Variants in LDLRAD4 observed in about 807,000 individuals in gnomAD.
LDLRAD4 encodes low-density lipoprotein receptor class A domain-containing protein 4.
A neutral mutation model predicts 17.0 loss-of-function variants in LDLRAD4; 5 were observed. The ratio of observed to expected loss-of-function variants is 0.29; its 90% CI spans 0.15 to 0.62. The LOEUF (loss-of-function observed/expected upper bound fraction) is 0.62, where lower values mean the gene tolerates loss of function less well. Among genes scored for constraint, LDLRAD4 ranks in the 20% least tolerant of loss-of-function variants. LDLRAD4 has a pLI of 0.84. For synonymous variants in LDLRAD4, 168 were observed against 171.8 expected, an observed-to-expected ratio of 0.98 and a Z score of 0.17; for missense variants, 340 against 424.7, an observed-to-expected ratio of 0.80 and a Z score of 1.75.
chr18:13,429,723 C>A (rs1442577086), intron 2 of LDLRAD4, among the ~76,000 whole-genome samples: 1 of 133,226 alleles, frequency 7.5e-6, no homozygotes. Context: ...GTTCAGTGAA[C>A]CCTCCAAGGG....
intron 1 of LDLRAD4, among the ~76,000 whole-genome samples, chr18:13,238,629 G>A (rs73951904): frequency 0.034 from 5,199 of 152,322 alleles, 284 homozygotes; most frequent in African/African-American, 0.12. Flanking sequence ...GTGGACTGCA[G>A]AGTCCTGCCA....
chr18:13,359,486 G>A (rs921505916), intron 1 of LDLRAD4, among the ~76,000 whole-genome samples: 1 of 151,884 alleles, frequency 6.6e-6, no homozygotes, highest in African/African-American at 2.4e-5. Context: ...ATGTACTTCC[G>A]TGCCTTTACC....
intron 3 of LDLRAD4, among the ~76,000 whole-genome samples, chr18:13,439,651 C>T (rs1033419351): frequency 2.0e-5 from 3 of 152,232 alleles, no homozygotes; most frequent in Admixed American, 6.5e-5. Context: ...CCTGCTCCCC[C>T]AAGGCCCAGG....
At chr18:13,596,922 T>G (rs1057139763) in intron 3 of LDLRAD4, among the ~76,000 whole-genome samples, 3 of 152,228 alleles carry the variant, frequency 2.0e-5, no homozygotes, top group African/African-American at 7.2e-5. Context: ...ATATTTGTTT[T>G]AAACAATTGC....
chr18:13,470,233 G>A (rs2092730673), intron 3 of LDLRAD4, among the ~76,000 whole-genome samples: 1 of 152,120 alleles, frequency 6.6e-6, no homozygotes, highest in African/African-American at 2.4e-5. Flanking sequence ...TGTTTGTAGA[G>A]TCTCTTGACT....
chr18:13,463,195 C>T (rs993475341), intron 3 of LDLRAD4, among the ~76,000 whole-genome samples: 6 of 152,188 alleles, frequency 3.9e-5, no homozygotes, highest in Admixed American at 3.9e-4. Context: ...CATGTCCCCC[C>T]TGGACTCCTA....
chr18:13,394,786 T>A (rs2086528795), intron 2 of LDLRAD4, among the ~76,000 whole-genome samples: 1 of 152,230 alleles, frequency 6.6e-6, no homozygotes, highest in African/African-American at 2.4e-5. Context: ...GCATGTCTCA[T>A]TAGGTTCTTT....
At chr18:13,293,875 A>G (rs1205710198) in intron 1 of LDLRAD4, among the ~76,000 whole-genome samples, 1 of 152,170 alleles carries the variant, frequency 6.6e-6, no homozygotes, top group East Asian at 1.9e-4. Flanking sequence ...GGTTCCAGAA[A>G]ACGCTTTGTT....
exon 6 of LDLRAD4, chr18:13,649,890 A>C (rs1197595450): frequency 5.0e-6 from 2 of 396,556 alleles, no homozygotes; most frequent in African/African-American, 4.1e-5. Flanking sequence ...ACACTGACCA[A>C]GAATGCCGCG....
intron 1 of LDLRAD4, among the ~76,000 whole-genome samples, chr18:13,317,270 T>C (rs1053571690): frequency 6.6e-6 from 1 of 152,242 alleles, no homozygotes; most frequent in African/African-American, 2.4e-5. Context: ...CCCCTACACG[T>C]ATCCTAAGCT....
chr18:13,579,870 T>C (rs552414612), intron 3 of LDLRAD4, among the ~76,000 whole-genome samples: 1 of 152,280 alleles, frequency 6.6e-6, no homozygotes, highest in Non-Finnish European at 1.5e-5. Context: ...TGTCATGCGT[T>C]GTCTGGGGGC....
At chr18:13,279,170 G>A (rs1215784726) in intron 1 of LDLRAD4, among the ~76,000 whole-genome samples, 1 of 152,210 alleles carries the variant, frequency 6.6e-6, no homozygotes, top group Non-Finnish European at 1.5e-5. Context: ...AAGCTGGGGT[G>A]GAAAGAGCTC....
intron 1 of LDLRAD4, among the ~76,000 whole-genome samples, chr18:13,359,547 T>G (rs1331482725): frequency 6.6e-6 from 1 of 152,214 alleles, no homozygotes; most frequent in East Asian, 1.9e-4. Context: ...ACCTGCTAAC[T>G]CCAATACTCT....
intron 3 of LDLRAD4, chr18:13,501,390 A>C (rs746065438): frequency 4.6e-5 from 7 of 152,240 alleles, no homozygotes; most frequent in Non-Finnish European, 1.0e-4. Flanking sequence ...CTGGGCAGAC[A>C]GCCGATTGCC....
At chr18:13,223,756 A>G (rs749363541) in intron 1 of LDLRAD4, among the ~76,000 whole-genome samples, 15 of 152,178 alleles carry the variant, frequency 9.9e-5, no homozygotes, top group Non-Finnish European at 2.1e-4. Flanking sequence ...GAGGGCTGCC[A>G]TACACTGATT....
chr18:13,606,765 T>C (rs2095228464), intron 3 of LDLRAD4, among the ~76,000 whole-genome samples: 1 of 152,214 alleles, frequency 6.6e-6, no homozygotes, highest in African/African-American at 2.4e-5. Flanking sequence ...AAAGGCCAAA[T>C]TCCAGGGATT....
chr18:13,397,617 T>C (rs942995939), intron 2 of LDLRAD4, among the ~76,000 whole-genome samples: 2 of 152,166 alleles, frequency 1.3e-5, no homozygotes, highest in Non-Finnish European at 2.9e-5. Flanking sequence ...TGTTTCTGAA[T>C]CCTACCACCT....
intron 3 of LDLRAD4, among the ~76,000 whole-genome samples, chr18:13,599,734 G>A (rs568107771): frequency 8.6e-5 from 13 of 152,008 alleles, no homozygotes; most frequent in African/African-American, 2.4e-4. Flanking sequence ...CTCGTGATCC[G>A]CCTGTCTTGG....
chr18:13,289,973 A>G (rs1212345864), intron 1 of LDLRAD4, among the ~76,000 whole-genome samples: 1 of 152,218 alleles, frequency 6.6e-6, no homozygotes, highest in African/African-American at 2.4e-5. Flanking sequence ...AGGACAGCAG[A>G]TTCCTGCCCT....
Sources: allele counts gnomAD v4.1 joint callset (sites outside exome capture counted in the v4.1 genomes callset), GRCh38; gene constraint gnomAD v4.1.1; transcripts MANE v1.5; gene names NCBI Gene and HGNC (gene_info 2026-07-23, HGNC 2026-07-21).